The following HECW2 variants were observed in gnomAD, a reference collection of about 807,000 sequenced individuals.
HECW2 encodes the protein HECT, C2 and WW domain containing E3 ubiquitin protein ligase 2.
Under a neutral mutation model 175.2 loss-of-function variants are expected in HECW2, and 61 were observed. That is an observed-to-expected ratio of 0.35 (90% CI 0.28 to 0.43). The LOEUF (loss-of-function observed/expected upper bound fraction) is 0.43. Among genes scored for constraint, HECW2 ranks in the 20% least tolerant of loss-of-function variants. The pLI is 1.00. For missense variants in HECW2, 1,524 were observed against 2,000.5 expected (o/e 0.76, Z 4.54); for synonymous variants, 671 against 731.0 (o/e 0.92, Z 1.32).
At chr2:196,307,072 T>C (rs989122520) in intron 12 of HECW2, 58 bp downstream of exon 12, 3 of 1,223,500 alleles carry the variant, frequency 2.5e-6, no homozygotes, top group Admixed American at 1.7e-5. Flanking sequence ...TTGGGAATCC[T>C]TATTTGCTTC....
At chr2:196,357,815 C>A (rs772858958) in intron 2 of HECW2, among the ~76,000 whole-genome samples, 1 of 152,106 alleles carries the variant, frequency 6.6e-6, no homozygotes, top group Non-Finnish European at 1.5e-5. Flanking sequence ...TGCCACCTTG[C>A]GAAGAAGGTA....
At chr2:196,221,520 G>A (rs2105819161) in intron 24 of HECW2, among the ~76,000 whole-genome samples, 3 of 151,980 alleles carry the variant, frequency 2.0e-5, no homozygotes, top group Admixed American at 2.0e-4. Context: ...CATTGTTTAT[G>A]TTCCCTTAGC....
At chr2:196,396,145 T>C (rs909620853) in intron 2 of HECW2, among the ~76,000 whole-genome samples, 1 of 152,182 alleles carries the variant, frequency 6.6e-6, no homozygotes, top group African/African-American at 2.4e-5. Flanking sequence ...TGATTCCACA[T>C]ACATGAGGTA....
At chr2:196,420,715 T>C (rs192769400) in intron 2 of HECW2, among the ~76,000 whole-genome samples, 17 of 152,336 alleles carry the variant, frequency 1.1e-4, no homozygotes, top group Admixed American at 1.1e-3. Context: ...CCAGTTGTAC[T>C]CTGGTGCTGC....
intron 14 of HECW2, among the ~76,000 whole-genome samples, chr2:196,287,243 T>C (rs920107980): frequency 6.6e-6 from 1 of 152,198 alleles, no homozygotes; most frequent in East Asian, 1.9e-4. Context: ...GACATAGCAA[T>C]GGAAGCCAAT....
At chr2:196,514,042 G>A (rs1688054596) in intron 1 of HECW2, among the ~76,000 whole-genome samples, 1 of 152,170 alleles carries the variant, frequency 6.6e-6, no homozygotes, top group Admixed American at 6.5e-5. Context: ...GGAGGGGCAG[G>A]AGCCTCGCCC....
At chr2:196,419,907 T>G (rs913577123) in intron 2 of HECW2, among the ~76,000 whole-genome samples, 3 of 152,184 alleles carry the variant, frequency 2.0e-5, no homozygotes, top group African/African-American at 7.2e-5. Context: ...TACCCAATGT[T>G]GAAGTTAATG....
At chr2:196,331,529 T>C (rs902653194) in intron 4 of HECW2, among the ~76,000 whole-genome samples, 2 of 152,238 alleles carry the variant, frequency 1.3e-5, no homozygotes, top group Non-Finnish European at 2.9e-5. Flanking sequence ...CTGTCAGCTA[T>C]GGATATTTGT....
chr2:196,425,676 T>C (rs1695525531), intron 2 of HECW2, among the ~76,000 whole-genome samples: 1 of 152,128 alleles, frequency 6.6e-6, no homozygotes, highest in Non-Finnish European at 1.5e-5. Context: ...TCCAATCTTA[T>C]GATAAAACTT....
At chr2:196,303,745 C>T in intron 13 of HECW2, among the ~76,000 whole-genome samples, 1 of 152,106 alleles carries the variant, frequency 6.6e-6, no homozygotes, top group East Asian at 1.9e-4. Flanking sequence ...TCTGTGGGGT[C>T]AGTGGTAATC....
rs118073503 is a variant in HECW2 at position 196,203,136 on chromosome 2, C to A, written c.4608-1748G>T. 0.014 allele frequency among the ~76,000 whole-genome samples: 2,071 copies of A among 152,140 alleles called. 110 individuals are homozygous for A. In the East Asian group the frequency reaches 0.18, roughly 13 times the overall value. ...TAAAATTTTTTGACTAGGGATACTCCAACTGTATGAGTTTTAGGGTATAGA... is the reference window on the plus strand; with the variant it reads ...TAAAATTTTTTGACTAGGGATACTCAAACTGTATGAGTTTTAGGGTATAGA... On this transcript the variant is annotated intron_variant, in intron 28 of 28. Coordinates refer to ENST00000644978, the MANE Select transcript of HECW2 (RefSeq NM_001348768.2).
intron 13 of HECW2, among the ~76,000 whole-genome samples, chr2:196,303,003 G>C (rs937525419): frequency 6.6e-6 from 1 of 152,148 alleles, no homozygotes; most frequent in East Asian, 1.9e-4. Flanking sequence ...GATTTCAAGG[G>C]GAATGTTTCC....
rs1036189579 is a variant in HECW2, at chr2:196,254,153, C to A, written c.3420-124G>T. ...ATATCCCAAAGAGAGCATCCGCCCC[C>A]TTTCTCTTGCAGGTAATTCTTGGTA... is the stretch of plus-strand genomic sequence containing the variant. On this transcript the variant is annotated intron_variant, in intron 18 of 28. Transcript: ENST00000644978. 1.4e-4 allele frequency: 189 copies of A among 1,392,588 alleles called. 1 individual carries two copies. Among genetic ancestry groups the A allele is most frequent in the Middle Eastern group, 3.8e-4 (2 of 5,328 alleles). 86.3% of individuals were successfully genotyped at this position (1,392,588 alleles called of 1,614,324 possible).
intron 1 of HECW2, among the ~76,000 whole-genome samples, chr2:196,533,480 G>C (rs966080354): frequency 2.6e-5 from 4 of 152,142 alleles, no homozygotes; most frequent in African/African-American, 9.6e-5. Flanking sequence ...TGTGTGTGGG[G>C]GGGTATCTTT....
intron 2 of HECW2, among the ~76,000 whole-genome samples, chr2:196,430,359 T>C (rs995741466): frequency 6.6e-6 from 1 of 152,070 alleles, no homozygotes; most frequent in Non-Finnish European, 1.5e-5. Flanking sequence ...ATAGAATCCT[T>C]AATATCCAGT....
At chr2:196,543,351 GA>G (rs1374957676) in intron 1 of HECW2, among the ~76,000 whole-genome samples, 1 of 150,922 alleles carries the variant, frequency 6.6e-6, no homozygotes, top group African/African-American at 2.4e-5. Flanking sequence ...GAACATTCAA[GA>G]TACATTTTAA....
intron 1 of HECW2, among the ~76,000 whole-genome samples, chr2:196,577,109 GGGACA>G (rs1690589461): frequency 2.0e-5 from 3 of 152,130 alleles, no homozygotes; most frequent in Admixed American, 1.3e-4. Context: ...GAACTTATTA[GGGACA>G]TATTTGAATC....
At chr2:196,382,153 CATAGT>C (rs1694223726) in intron 2 of HECW2, among the ~76,000 whole-genome samples, 1 of 151,422 alleles carries the variant, frequency 6.6e-6, no homozygotes, top group Admixed American at 6.6e-5. Flanking sequence ...AAAATTTCTA[CATAGT>C]TGTATTTGCT....
intron 21 of HECW2, among the ~76,000 whole-genome samples, chr2:196,237,550 C>T (rs1688298789): frequency 6.6e-6 from 1 of 152,136 alleles, no homozygotes; most frequent in Non-Finnish European, 1.5e-5. Flanking sequence ...AGTAGTATTC[C>T]ATGGTGTATA....
Sources: allele counts gnomAD v4.1 joint callset (sites outside exome capture counted in the v4.1 genomes callset), GRCh38; gene constraint gnomAD v4.1.1; transcripts MANE v1.5; gene names NCBI Gene and HGNC (gene_info 2026-07-23, HGNC 2026-07-21).